The following ANKRD29 variants were observed in gnomAD, a reference collection of about 807,000 sequenced individuals.
ANKRD29 encodes the protein ankyrin repeat domain 29.
In ANKRD29, 32 loss-of-function variants were observed where a neutral mutation model predicts 38.0. That is an observed-to-expected ratio of 0.84 (90% CI 0.64 to 1.13). The LOEUF (loss-of-function observed/expected upper bound fraction) is 1.13. ANKRD29 is among the 50% of genes most tolerant of loss of function. The probability of loss-of-function intolerance (pLI) is 0.00; values close to 1 mark genes in which losing one functional copy is unlikely to be tolerated. For missense variants in ANKRD29, 357 were observed against 377.9 expected (o/e 0.94, Z 0.46); for synonymous variants, 135 against 152.4 (o/e 0.89, Z 0.84).
At chr18:23,653,662 C>T (rs917716068) in intron 1 of ANKRD29, among the ~76,000 whole-genome samples, 1 of 144,766 alleles carries the variant, frequency 6.9e-6, no homozygotes, top group Admixed American at 6.8e-5. Context: ...AGTCTCGATC[C>T]GTTGCCCAGG....
intron 9 of ANKRD29, among the ~76,000 whole-genome samples, chr18:23,607,724 T>C (rs907019484): frequency 1.3e-5 from 2 of 152,220 alleles, no homozygotes; most frequent in Non-Finnish European, 2.9e-5. Context: ...ATTGATGTGA[T>C]GGCGAGTGCC....
chr18:23,616,808 T>A (rs1187668701), intron 8 of ANKRD29, among the ~76,000 whole-genome samples: 1 of 147,532 alleles, frequency 6.8e-6, no homozygotes, highest in Non-Finnish European at 1.5e-5. Flanking sequence ...AAAATTAATA[T>A]AATCAATAAT....
chr18:23,637,506 G>T (rs1439888547), intron 4 of ANKRD29, among the ~76,000 whole-genome samples: 1 of 151,896 alleles, frequency 6.6e-6, no homozygotes, highest in East Asian at 1.9e-4. Context: ...CAAGTGATCT[G>T]CCCGCCTCAG....
intron 1 of ANKRD29, among the ~76,000 whole-genome samples, chr18:23,657,893 C>A (rs1346531064): frequency 6.6e-6 from 1 of 152,144 alleles, no homozygotes. Context: ...ATCCCCTGCC[C>A]GAGTTGGTCC....
intron 7 of ANKRD29, 75 bp from the exon 8 acceptor site, chr18:23,617,902 T>A: frequency 8.3e-7 from 1 of 1,208,996 alleles, no homozygotes; most frequent in Non-Finnish European, 1.2e-6. Context: ...AGTTGGGAAC[T>A]GGAAAGTACC....
chr18:23,619,370 G>C, intron 7 of ANKRD29, 161 bp downstream of exon 7: 2 of 661,808 alleles, frequency 3.0e-6, no homozygotes, highest in Non-Finnish European at 4.9e-6. Flanking sequence ...GAGGAGGAGA[G>C]AGACCGAGCA....
At chr18:23,602,081 G>A (rs551892210) in intron 9 of ANKRD29, among the ~76,000 whole-genome samples, 1 of 151,990 alleles carries the variant, frequency 6.6e-6, no homozygotes, top group East Asian at 1.9e-4. Flanking sequence ...TTGTCACCCA[G>A]GCTGGAGTGC....
intron 1 of ANKRD29, among the ~76,000 whole-genome samples, chr18:23,656,409 C>G (rs2060284980): frequency 1.3e-5 from 2 of 152,076 alleles, no homozygotes; most frequent in Non-Finnish European, 2.9e-5. Flanking sequence ...CTTTGGAGAC[C>G]CAGAGCCTAG....
chr18:23,646,238 C>A lies in ANKRD29; in HGVS notation c.182G>T (p.Cys61Phe). 6.2e-7 allele frequency: 1 copy of A among 1,614,162 alleles called. No homozygotes were observed. Among genetic ancestry groups the A allele is most frequent in the Non-Finnish European group, 8.5e-7 (1 of 1,180,028 alleles). The change falls in exon 3 of 10, where the codon TGT becomes TTT. Residue 61 changes from cysteine to phenylalanine, a missense_variant. Transcript: ENST00000592179. ...TCCTTGCAGAACCAGTTCCCTCACACAGTCTATGTGGCCAGCGTAGGCAGC... is the reference window on the plus strand; with the variant it reads ...TCCTTGCAGAACCAGTTCCCTCACAAAGTCTATGTGGCCAGCGTAGGCAGC... Reference protein sequence around the residue: ...MVAAYAGHIDCVRELVLQGAD... With the variant: ...MVAAYAGHIDFVRELVLQGAD...
chr18:23,646,389 T>A, intron 2 of ANKRD29, 102 bp from the exon 3 acceptor site: 1 of 945,198 alleles, frequency 1.1e-6, no homozygotes, highest in Non-Finnish European at 1.6e-6. Context: ...TCAGAACACA[T>A]CCAAGGGCAA....
At chr18:23,642,552 C>T (rs1960071973) in intron 3 of ANKRD29, among the ~76,000 whole-genome samples, 1 of 152,158 alleles carries the variant, frequency 6.6e-6, no homozygotes, top group Non-Finnish European at 1.5e-5. Context: ...AGGCATGGGA[C>T]CTGGGCTGGT....
chr18:23,616,901 G>T (rs2145653625), intron 8 of ANKRD29, among the ~76,000 whole-genome samples: 1 of 151,406 alleles, frequency 6.6e-6, no homozygotes, highest in East Asian at 1.9e-4. Flanking sequence ...TATAATATAG[G>T]TTAGAAATAT....
At chr18:23,646,683 A>G (rs2060144518) in intron 2 of ANKRD29, 1 of 160,614 alleles carries the variant, frequency 6.2e-6, no homozygotes, top group South Asian at 1.8e-4. Context: ...TCCATATTTA[A>G]AAGTCTTCAT....
chr18:23,639,207 G>A (rs1174474610), intron 3 of ANKRD29, among the ~76,000 whole-genome samples: 2 of 152,076 alleles, frequency 1.3e-5, no homozygotes, highest in Non-Finnish European at 2.9e-5. Context: ...TACCTTCTAT[G>A]GCAAAAGACG....
intron 9 of ANKRD29, among the ~76,000 whole-genome samples, chr18:23,611,318 C>G (rs1015466523): frequency 1.3e-5 from 2 of 152,140 alleles, no homozygotes; most frequent in Non-Finnish European, 2.9e-5. Flanking sequence ...TCTTAGATGA[C>G]AGAACAATAC....
chr18:23,627,031 C>T (rs2145678147), intron 6 of ANKRD29, among the ~76,000 whole-genome samples: 1 of 152,322 alleles, frequency 6.6e-6, no homozygotes, highest in East Asian at 1.9e-4. Context: ...AAATGCTCTA[C>T]CTATAGAATA....
At chr18:23,626,509 G>T (rs939563472) in intron 6 of ANKRD29, among the ~76,000 whole-genome samples, 65 of 152,234 alleles carry the variant, frequency 4.3e-4, no homozygotes, top group African/African-American at 1.5e-3. Context: ...TCAACTTGGT[G>T]AGGACACGTG....
chr18:23,660,915 C>T (rs987181768), intron 1 of ANKRD29, among the ~76,000 whole-genome samples: 1 of 152,208 alleles, frequency 6.6e-6, no homozygotes, highest in Non-Finnish European at 1.5e-5. Context: ...CAATCTGGCT[C>T]CTGATCCTAA....
At chr18:23,603,091 A>G (rs554749332) in intron 9 of ANKRD29, among the ~76,000 whole-genome samples, 25 of 152,350 alleles carry the variant, frequency 1.6e-4, no homozygotes, top group African/African-American at 6.0e-4. Context: ...GTATTTTAAC[A>G]GTCTTTTTGG....
Sources: allele counts gnomAD v4.1 joint callset (sites outside exome capture counted in the v4.1 genomes callset), GRCh38; gene constraint gnomAD v4.1.1; transcripts MANE v1.5; gene names NCBI Gene and HGNC (gene_info 2026-07-23, HGNC 2026-07-21).